IRF2: variants seen among roughly 807,000 people sequenced by gnomAD.
IRF2 encodes the protein interferon regulatory factor 2.
A neutral mutation model predicts 40.6 loss-of-function variants in IRF2; 15 were observed. That is an observed-to-expected ratio of 0.37 (90% CI 0.25 to 0.57). The LOEUF is 0.57. IRF2 is among the 20% of genes least tolerant of loss of function. The probability of loss-of-function intolerance (pLI) is 0.77; values close to 1 mark genes in which losing one functional copy is unlikely to be tolerated. For synonymous variants in IRF2, 151 were observed against 165.5 expected (o/e 0.91, Z 0.67); for missense variants, 317 against 455.7 (o/e 0.70, Z 2.77).
chr4:184,419,433 G>T, intron 3 of IRF2, 36 bp downstream of exon 3: 1 of 1,329,900 alleles, frequency 7.5e-7, no homozygotes, highest in Non-Finnish European at 1.1e-6. Context: ...AAGCAAGAGT[G>T]CCTTCCTCTA....
At position 184,421,613 on chromosome 4, in the gene IRF2, T is replaced by C. The variant is rs140764787; in HGVS notation, c.88-2045A>G. Reference sequence around the variant, plus strand: ...GATTCTTAAGAATTTGCTGTTGCACTTTTTTCTAGATCAAAGGAGTTCTAG... The same window carrying C: ...GATTCTTAAGAATTTGCTGTTGCACCTTTTTCTAGATCAAAGGAGTTCTAG... On this transcript the variant is annotated intron_variant, in intron 2 of 8. Transcript: ENST00000393593. 6.8e-4 allele frequency among the ~76,000 whole-genome samples: 104 copies of C among 152,272 alleles called. No individual in the cohort carries two copies. The East Asian group carries it at 0.019, about 28-fold the overall frequency.
In IRF2 at chr4:184,434,261, C is replaced by T. The variant is rs1165070156; in HGVS notation, c.-6-5191G>A. Among the ~76,000 whole-genome samples, 5 of 152,322 alleles carry T rather than the reference C, an allele frequency of 3.3e-5. No individual in the cohort carries two copies. The South Asian group carries it at 6.2e-4, about 19-fold the overall frequency. On this transcript the variant is annotated intron_variant, in intron 1 of 8. Transcript: ENST00000393593. ...ATGCACAGAAATCAGGACATTGTGT[C>T]GCGACCTTGACTCTGCCATTGCTGG...
At chr4:184,458,570 C>T (rs1739025402) in intron 1 of IRF2, among the ~76,000 whole-genome samples, 1 of 152,158 alleles carries the variant, frequency 6.6e-6, no homozygotes. Context: ...TTTTTAAAAT[C>T]GTTGCCCCAA....
intron 1 of IRF2, among the ~76,000 whole-genome samples, chr4:184,439,297 T>C (rs1244393624): frequency 2.8e-5 from 4 of 141,984 alleles, no homozygotes; most frequent in Non-Finnish European, 6.0e-5. Flanking sequence ...CTTGCAATGC[T>C]ATTACCTTAA....
At chr4:184,442,221 G>A (rs182938056) in intron 1 of IRF2, among the ~76,000 whole-genome samples, 13 of 152,218 alleles carry the variant, frequency 8.5e-5, no homozygotes, top group Middle Eastern at 3.4e-3. Flanking sequence ...AACATGCTGC[G>A]TTTCCTGGCC....
chr4:184,393,986 G>C (rs141788661), intron 7 of IRF2, among the ~76,000 whole-genome samples: 1 of 152,198 alleles, frequency 6.6e-6, no homozygotes, highest in African/African-American at 2.4e-5. Flanking sequence ...TGTTACTATC[G>C]AACTATCAAC....
chr4:184,401,680 C>A (rs1169492151), intron 6 of IRF2, among the ~76,000 whole-genome samples: 1 of 152,152 alleles, frequency 6.6e-6, no homozygotes, highest in East Asian at 1.9e-4. Flanking sequence ...AAGATAATGG[C>A]CTGCCCTATC....
At chr4:184,416,382 T>C (rs188831068) in intron 5 of IRF2, among the ~76,000 whole-genome samples, 2 of 137,634 alleles carry the variant, frequency 1.5e-5, no homozygotes, top group East Asian at 2.1e-4. Flanking sequence ...GGCTAACAAC[T>C]AGGTTTGTTC....
intron 2 of IRF2, 31 bp downstream of exon 2, chr4:184,428,947 C>A: frequency 1.3e-6 from 2 of 1,575,242 alleles, no homozygotes; most frequent in Non-Finnish European, 1.7e-6. Context: ...CAGGACCTCT[C>A]TCACACATAC....
chr4:184,410,820 TTTAA>T, intron 5 of IRF2, among the ~76,000 whole-genome samples: 1 of 152,192 alleles, frequency 6.6e-6, no homozygotes, highest in Non-Finnish European at 1.5e-5. Flanking sequence ...TGATCTACAG[TTTAA>T]TTAGTGACAA....
At position 184,429,048 on chromosome 4, in the gene IRF2, A is replaced by T; in HGVS notation, c.17T>A (p.Met6Lys). Residue 6 changes from methionine to lysine, a missense_variant, in exon 2 of 9, where the codon ATG (methionine) becomes AAG (lysine). Around this residue, in one of 2 missense-constraint regions of IRF2, gnomAD observed 55 missense variants for 121.7 expected, o/e 0.45. Transcript: ENST00000393593. Reference protein sequence around the residue: MPVERMRMRPWLEEQI... With the variant: MPVERKRMRPWLEEQI... ...CTCCTCCAGCCACGGGCGCATGCGC[A>T]TCCTTTCCACCGGCATGGTGCCCTT... 1 of 1,614,036 alleles carries T rather than the reference A, an allele frequency of 6.2e-7. No individual in the cohort carries two copies. The highest frequency in any genetic ancestry group is 8.5e-7 in the Non-Finnish European group (1 of 1,179,886).
intron 2 of IRF2, among the ~76,000 whole-genome samples, chr4:184,425,558 G>A (rs914787441): frequency 9.9e-5 from 15 of 152,254 alleles, no homozygotes; most frequent in Non-Finnish European, 1.8e-4. Context: ...CGGCAGCCAC[G>A]GGCACGCTCT....
intron 2 of IRF2, among the ~76,000 whole-genome samples, 186 bp from the exon 3 acceptor site, chr4:184,419,754 G>C (rs1737414935): frequency 6.6e-6 from 1 of 152,170 alleles, no homozygotes; most frequent in Non-Finnish European, 1.5e-5. Flanking sequence ...AATCTTGATA[G>C]ACTACCCCGA....
At chr4:184,422,775 G>C (rs1004005831) in intron 2 of IRF2, among the ~76,000 whole-genome samples, 2 of 152,200 alleles carry the variant, frequency 1.3e-5, no homozygotes, top group Non-Finnish European at 2.9e-5. Context: ...TAGAGACAGA[G>C]AGCAGATTAC....
At chr4:184,460,624 C>T (rs1381425534) in intron 1 of IRF2, among the ~76,000 whole-genome samples, 1 of 150,310 alleles carries the variant, frequency 6.7e-6, no homozygotes, top group African/African-American at 2.5e-5. Flanking sequence ...TAGCCAAACA[C>T]ACACACACGC....
At chr4:184,425,319 G>A (rs1253665300) in intron 2 of IRF2, among the ~76,000 whole-genome samples, 2 of 152,250 alleles carry the variant, frequency 1.3e-5, no homozygotes, top group Admixed American at 1.3e-4. Context: ...ACAAGCCTAA[G>A]TTAACGGAAA....
chr4:184,437,379 G>C (rs757082361), intron 1 of IRF2, among the ~76,000 whole-genome samples: 1 of 152,000 alleles, frequency 6.6e-6, no homozygotes, highest in Non-Finnish European at 1.5e-5. Context: ...TATTTTTGTA[G>C]AAACAGGGGT....
chr4:184,436,218 G>A (rs374361568), intron 1 of IRF2, among the ~76,000 whole-genome samples: 24 of 152,208 alleles, frequency 1.6e-4, no homozygotes, highest in Admixed American at 2.0e-4. Flanking sequence ...CTCGTGATCC[G>A]CCCACTTTGG....
intron 1 of IRF2, among the ~76,000 whole-genome samples, chr4:184,466,617 G>A (rs930925596): frequency 6.6e-6 from 1 of 152,206 alleles, no homozygotes; most frequent in African/African-American, 2.4e-5. Context: ...TATTTCCGTG[G>A]TTGCCTCCAA....
Sources: allele counts gnomAD v4.1 joint callset (sites outside exome capture counted in the v4.1 genomes callset), GRCh38; gene constraint gnomAD v4.1.1; regional missense constraint gnomAD v4.1.1; transcripts MANE v1.5; gene names NCBI Gene and HGNC (gene_info 2026-07-23, HGNC 2026-07-21).